The following NEK6 variants were observed in gnomAD, a reference collection of about 807,000 sequenced individuals.
The protein encoded by NEK6 is NIMA related kinase 6.
NEK6 carries 27 observed loss-of-function variants against 43.5 expected under a neutral mutation model. That is an observed-to-expected ratio of 0.62 (90% CI 0.46 to 0.86). The LOEUF (loss-of-function observed/expected upper bound fraction) is 0.86, where lower values mean the gene tolerates loss of function less well. NEK6 is among the 40% of genes least tolerant of loss of function. The pLI, the probability that NEK6 is intolerant of heterozygous loss-of-function variation, is 0.00. For missense variants in NEK6, 318 were observed against 414.4 expected, an observed-to-expected ratio of 0.77 and a Z score of 2.02; for synonymous variants, 167 against 164.1, an observed-to-expected ratio of 1.02 and a Z score of -0.14.
At chr9:124,350,786 C>G (rs1830228334) in intron 9 of NEK6, 51 bp from the exon 10 acceptor site, 1 of 1,319,580 alleles carries the variant, frequency 7.6e-7, no homozygotes, top group East Asian at 2.3e-5. Context: ...GAGTGCGGAG[C>G]CTCAGTAAGA....
At position 124,275,160 on chromosome 9, in the gene NEK6, G is replaced by A. The variant is rs1831603459; in HGVS notation, c.-30+17075G>A. On this transcript the variant is annotated intron_variant, in intron 1 of 9. Coordinates refer to ENST00000320246, the MANE Select transcript of NEK6 (RefSeq NM_014397.6). This position sits in a 1 kb window ranked among gnomAD's most constrained non-coding sequence, Gnocchi z 4.4. ...ACAGATAACAGAAGGAAGGATTGATGAAGGCTCTGCAGCCCCCAAAGAGCC... is the reference window on the plus strand; with the variant it reads ...ACAGATAACAGAAGGAAGGATTGATAAAGGCTCTGCAGCCCCCAAAGAGCC... 6.6e-6 allele frequency among the ~76,000 whole-genome samples: 1 copy of A among 152,170 alleles called. No homozygotes were observed. The highest frequency in any genetic ancestry group is 1.5e-5 in the Non-Finnish European group (1 of 68,038).
intron 1 of NEK6, chr9:124,258,380 G>C (rs1830893256): frequency 1.0e-6 from 1 of 969,362 alleles, no homozygotes; most frequent in East Asian, 1.1e-4. Context: ...GTGCGGGGAC[G>C]CGGGCATGGC....
chr9:124,344,877 CAG>C (rs1829838782), intron 8 of NEK6, among the ~76,000 whole-genome samples: 2 of 152,216 alleles, frequency 1.3e-5, no homozygotes, highest in African/African-American at 4.8e-5. Flanking sequence ...GCTTGGACGG[CAG>C]AGAGGCCTGG....
At chr9:124,280,378 TATC>T (rs2118979651) in intron 1 of NEK6, among the ~76,000 whole-genome samples, 1 of 152,290 alleles carries the variant, frequency 6.6e-6, no homozygotes, top group African/African-American at 2.4e-5. Flanking sequence ...CGTCAGACCT[TATC>T]ATCTGAGTGA....
chr9:124,276,879 C>T (rs530963202), intron 1 of NEK6, among the ~76,000 whole-genome samples: 3 of 152,280 alleles, frequency 2.0e-5, no homozygotes, highest in African/African-American at 7.2e-5. Flanking sequence ...GTGGAGCTGA[C>T]GTGGTGGAGG....
chr9:124,332,400 G>A (rs1829047238), intron 7 of NEK6, among the ~76,000 whole-genome samples: 1 of 152,188 alleles, frequency 6.6e-6, no homozygotes, highest in Non-Finnish European at 1.5e-5. Context: ...GGGAGACCGA[G>A]GCTGAGAGAG....
chr9:124,264,814 CAAAAAAAAAAAAAA>C (rs372219790), intron 1 of NEK6, among the ~76,000 whole-genome samples: 4 of 88,700 alleles, frequency 4.5e-5, no homozygotes, highest in Non-Finnish European at 6.7e-5. Context: ...GACTCTGTAT[CAAAAAAAAAAAAAA>C]AAAAAAAAAA....
In NEK6 at chr9:124,275,417, G is replaced by A. The variant is rs1475728192; in HGVS notation, c.-30+17332G>A. Among the ~76,000 whole-genome samples, 3 of 152,208 alleles carry A rather than the reference G, an allele frequency of 2.0e-5. No individual in the cohort carries two copies. The highest frequency in any genetic ancestry group is 4.4e-5 in the Non-Finnish European group (3 of 68,042). ...CGGTCATGGAGCCCAGAACCCATGG[G>A]TAACGGGGTCAGCATTCAGAAGTGT... On this transcript the variant is annotated intron_variant, in intron 1 of 9. Coordinates refer to ENST00000320246, the MANE Select transcript of NEK6 (RefSeq NM_014397.6). This position sits in a 1 kb window ranked among gnomAD's most constrained non-coding sequence, Gnocchi z 4.4.
chr9:124,329,241 T>C (rs1437729559), intron 7 of NEK6, among the ~76,000 whole-genome samples: 1 of 152,144 alleles, frequency 6.6e-6, no homozygotes, highest in African/African-American at 2.4e-5. Context: ...ACCTGTGTGG[T>C]TGAAGGGCTT....
intron 6 of NEK6, 47 bp from the exon 7 acceptor site, chr9:124,327,291 C>T (rs1834388124): frequency 4.6e-6 from 7 of 1,525,396 alleles, no homozygotes; most frequent in Non-Finnish European, 6.4e-6. Flanking sequence ...GCCCCACCTA[C>T]CCCAAGCCTC....
chr9:124,307,204 G>C (rs557713266), intron 2 of NEK6, among the ~76,000 whole-genome samples: 16 of 152,060 alleles, frequency 1.1e-4, no homozygotes, highest in Admixed American at 5.9e-4. Flanking sequence ...AGCGCAGGGT[G>C]GGGGGTGTTT....
intron 1 of NEK6, among the ~76,000 whole-genome samples, 178 bp from the exon 2 acceptor site, chr9:124,301,758 G>C (rs1832987524): frequency 1.3e-5 from 2 of 152,208 alleles, no homozygotes; most frequent in Admixed American, 6.5e-5. Flanking sequence ...GAAGGAGACT[G>C]TGTCACCCGG....
intron 1 of NEK6, among the ~76,000 whole-genome samples, chr9:124,279,443 A>G (rs1231944704): frequency 1.3e-5 from 2 of 152,014 alleles, no homozygotes; most frequent in Admixed American, 1.3e-4. Flanking sequence ...CTGGGACTGC[A>G]GGCACACACC....
intron 4 of NEK6, 34 bp from the exon 5 acceptor site, chr9:124,321,425 T>A: frequency 6.9e-7 from 1 of 1,438,964 alleles, no homozygotes; most frequent in Non-Finnish European, 9.8e-7. Context: ...CGTCTTCACT[T>A]GGTGCCCCCT....
chr9:124,311,926 G>A (rs903316952), intron 2 of NEK6, among the ~76,000 whole-genome samples: 3 of 152,132 alleles, frequency 2.0e-5, no homozygotes, highest in Admixed American at 6.5e-5. Context: ...CTGACCTCTC[G>A]AACTCCCGCC....
chr9:124,278,647 A>G (rs1831752230), intron 1 of NEK6, among the ~76,000 whole-genome samples: 1 of 152,086 alleles, frequency 6.6e-6, no homozygotes, highest in Non-Finnish European at 1.5e-5. Flanking sequence ...CGGTCAGAAT[A>G]TTTTTAGGTT....
intron 8 of NEK6, among the ~76,000 whole-genome samples, chr9:124,346,828 G>T (rs1409516791): frequency 6.6e-6 from 1 of 152,190 alleles, no homozygotes; most frequent in Non-Finnish European, 1.5e-5. Context: ...CAGGCCTTTC[G>T]CTCCCCCGTG....
chr9:124,306,317 TTTC>T (rs1393690606), intron 2 of NEK6, among the ~76,000 whole-genome samples: 1 of 152,144 alleles, frequency 6.6e-6, no homozygotes, highest in Non-Finnish European at 1.5e-5. Context: ...AGCTTAGCTT[TTTC>T]CAGACTCTGT....
chr9:124,339,831 C>T (rs58113724), intron 8 of NEK6, among the ~76,000 whole-genome samples, 166 bp downstream of exon 8: 2,410 of 152,276 alleles, frequency 0.016, 60 homozygotes, highest in African/African-American at 0.054. Flanking sequence ...CTCAGCCCCA[C>T]GTGGGGCCTG....
Sources: allele counts gnomAD v4.1 joint callset (sites outside exome capture counted in the v4.1 genomes callset), GRCh38; gene constraint gnomAD v4.1.1; non-coding constraint Gnocchi (gnomAD v3.1); transcripts MANE v1.5; gene names NCBI Gene and HGNC (gene_info 2026-07-23, HGNC 2026-07-21).